RUNX1T1: variants seen among roughly 807,000 people sequenced by gnomAD.
The protein encoded by RUNX1T1 is protein CBFA2T1.
Under a neutral mutation model 62.8 loss-of-function variants are expected in RUNX1T1, and 4 were observed. The ratio of observed to expected loss-of-function variants is 0.06; its 90% CI spans 0.03 to 0.15. The LOEUF is 0.15. Among genes scored for constraint, RUNX1T1 ranks in the 10% least tolerant of loss-of-function variants. The probability of loss-of-function intolerance (pLI) is 1.00; values close to 1 mark genes in which losing one functional copy is unlikely to be tolerated. For missense variants in RUNX1T1, 508 were observed against 754.3 expected (o/e 0.67, Z 3.82); for synonymous variants, 291 against 286.0 (o/e 1.02, Z -0.18).
At chr8:92,022,454 A>G (rs1254477851) in intron 1 of RUNX1T1, among the ~76,000 whole-genome samples, 3 of 152,152 alleles carry the variant, frequency 2.0e-5, no homozygotes, top group Non-Finnish European at 4.4e-5. Flanking sequence ...CACCAATGTG[A>G]TAATATTAAG....
At chr8:92,102,014 G>A (rs1838060169), upstream of RUNX1T1, among the ~76,000 whole-genome samples, 1 of 152,230 alleles carries the variant, frequency 6.6e-6, no homozygotes, top group Admixed American at 6.5e-5. This position sits in a 1 kb window ranked among gnomAD's most constrained non-coding sequence, Gnocchi z 4.5. Flanking sequence ...ACCCCTTCGG[G>A]CGGGAGCTAC....
exon 8 of RUNX1T1, chr8:91,986,284 T>A: frequency 6.2e-7 from 1 of 1,614,070 alleles, no homozygotes; most frequent in Non-Finnish European, 8.5e-7. Flanking sequence ...CGGTGAGAGA[T>A]CGCCTTGTTT....
intron 1 of RUNX1T1, among the ~76,000 whole-genome samples, chr8:92,087,218 C>A (rs1383252409): frequency 6.6e-6 from 1 of 152,174 alleles, no homozygotes; most frequent in Non-Finnish European, 1.5e-5. Context: ...CCACAGGACA[C>A]AGCTGAAAAA....
chr8:91,997,071 G>T (rs1054960644), intron 5 of RUNX1T1, among the ~76,000 whole-genome samples: 1 of 151,996 alleles, frequency 6.6e-6, no homozygotes, highest in Non-Finnish European at 1.5e-5. Context: ...AGGTTGCAAC[G>T]AACCAAGATC....
chr8:92,027,164 C>A (rs995646224), intron 1 of RUNX1T1, among the ~76,000 whole-genome samples: 8 of 151,702 alleles, frequency 5.3e-5, no homozygotes, highest in African/African-American at 1.4e-4. Flanking sequence ...AAAGCATCTT[C>A]CAATACAGTA....
intron 1 of RUNX1T1, among the ~76,000 whole-genome samples, chr8:92,077,694 C>G (rs898742523): frequency 1.3e-5 from 2 of 152,014 alleles, no homozygotes; most frequent in Non-Finnish European, 2.9e-5. Context: ...CATCAGAGAG[C>G]CTGACAAAAG....
chr8:92,021,534 A>G (rs534020641), intron 1 of RUNX1T1, among the ~76,000 whole-genome samples: 1 of 152,286 alleles, frequency 6.6e-6, no homozygotes, highest in African/African-American at 2.4e-5. Flanking sequence ...GAAATGACAC[A>G]GTGGGATACT....
intron 1 of RUNX1T1, among the ~76,000 whole-genome samples, chr8:92,051,738 C>A (rs970964539): frequency 6.6e-6 from 1 of 151,970 alleles, no homozygotes; most frequent in African/African-American, 2.4e-5. Flanking sequence ...AGAGAGGATG[C>A]CTCAATTGGT....
intron 1 of RUNX1T1, among the ~76,000 whole-genome samples, chr8:92,057,834 T>G (rs902440142): frequency 6.6e-6 from 1 of 152,162 alleles, no homozygotes; most frequent in Non-Finnish European, 1.5e-5. Flanking sequence ...ATCAAAGAAC[T>G]GCAACTGTAC....
intron 1 of RUNX1T1, among the ~76,000 whole-genome samples, chr8:92,085,007 C>T (rs1587552978): frequency 6.6e-6 from 1 of 152,208 alleles, no homozygotes; most frequent in East Asian, 1.9e-4. Context: ...CAAGAAAAAG[C>T]AACCCTTTAC....
At chr8:92,019,514 G>C (rs770751329) in intron 1 of RUNX1T1, among the ~76,000 whole-genome samples, 1 of 152,170 alleles carries the variant, frequency 6.6e-6, no homozygotes, top group Non-Finnish European at 1.5e-5. Flanking sequence ...ACAAGAGCCT[G>C]ATGGGGGAGT....
chr8:91,970,975 A>G (rs1307202263), intron 9 of RUNX1T1, 127 bp from the exon 11 acceptor site: 1 of 668,380 alleles, frequency 1.5e-6, no homozygotes, highest in Non-Finnish European at 2.3e-6. Context: ...CCTGGGCTCA[A>G]GTTATCCTCT....
At chr8:92,010,539 C>T (rs1049282913) in intron 4 of RUNX1T1, 2 of 152,574 alleles carry the variant, frequency 1.3e-5, no homozygotes, top group African/African-American at 4.8e-5. Context: ...ACACCTCAAT[C>T]AGTCCTCAGC....
At chr8:92,024,605 G>A (rs1404270262) in intron 1 of RUNX1T1, among the ~76,000 whole-genome samples, 1 of 144,552 alleles carries the variant, frequency 6.9e-6, no homozygotes, top group Non-Finnish European at 1.5e-5. Context: ...CTTAATCCAA[G>A]AAACATGTAC....
upstream of RUNX1T1, among the ~76,000 whole-genome samples, chr8:92,066,543 G>A (rs553278509): frequency 6.6e-6 from 1 of 152,310 alleles, no homozygotes; most frequent in East Asian, 1.9e-4. Context: ...TAATGTGTGA[G>A]TTGTTGGGCT....
At chr8:92,097,720 G>C (rs1837849988) in intron 1 of RUNX1T1, among the ~76,000 whole-genome samples, 1 of 152,126 alleles carries the variant, frequency 6.6e-6, no homozygotes, top group South Asian at 2.1e-4. Context: ...CTGTTCAAAA[G>C]CTAATCTGCC....
chr8:92,069,552 T>C (rs1490911491), intron 2 of RUNX1T1, among the ~76,000 whole-genome samples: 2 of 152,204 alleles, frequency 1.3e-5, no homozygotes, highest in Admixed American at 6.5e-5. Context: ...TATAAACAAT[T>C]CAAAGTTACT....
intron 2 of RUNX1T1, 56 bp downstream of exon 2, chr8:92,075,909 T>G: frequency 1.4e-5 from 20 of 1,452,494 alleles, no homozygotes; most frequent in Non-Finnish European, 1.8e-5. Flanking sequence ...AAAAATAGAT[T>G]GATTTTTCTG....
upstream of RUNX1T1, among the ~76,000 whole-genome samples, chr8:92,065,175 A>AAAAT (rs144560029): frequency 1.1e-4 from 17 of 152,246 alleles, no homozygotes; most frequent in East Asian, 1.4e-3. Context: ...TTCGTTCATA[A>AAAAT]AAATAAATAA....
Sources: allele counts gnomAD v4.1 joint callset (sites outside exome capture counted in the v4.1 genomes callset), GRCh38; gene constraint gnomAD v4.1.1; non-coding constraint Gnocchi (gnomAD v3.1); transcripts MANE v1.5; gene names NCBI Gene and HGNC (gene_info 2026-07-23, HGNC 2026-07-21).